RALGPS1: variants seen among roughly 807,000 people sequenced by gnomAD.
RALGPS1 encodes ras-specific guanine nucleotide-releasing factor RalGPS1.
Under a neutral mutation model 78.8 loss-of-function variants are expected in RALGPS1, and 19 were observed. That is an observed-to-expected ratio of 0.24 (90% confidence interval 0.17 to 0.35). The LOEUF (loss-of-function observed/expected upper bound fraction) is 0.35. Ranked by LOEUF, RALGPS1 falls within the 10% of genes least tolerant of loss-of-function variation. The pLI is 1.00. For synonymous variants in RALGPS1, 228 were observed against 256.3 expected, an observed-to-expected ratio of 0.89 and a Z score of 1.06; for missense variants, 454 against 688.3, an observed-to-expected ratio of 0.66 and a Z score of 3.81.
intron 11 of RALGPS1, among the ~76,000 whole-genome samples, chr9:127,191,709 T>TG (rs1295061680): frequency 1.3e-5 from 2 of 148,826 alleles, no homozygotes; most frequent in Admixed American, 6.7e-5. Flanking sequence ...TGTTTTTTTT[T>TG]TTTTTTGAGA....
At position 127,050,037 on chromosome 9, in the gene RALGPS1, C is replaced by T. The variant is rs748310587; in HGVS notation, c.301-6C>T. ...TGTGTGTATGTGTGTGTATTTGACT[C>T]TACAGGTCAGTTTTTGGGTTGTACG... On this transcript the variant is annotated splice_region_variant and splice_polypyrimidine_tract_variant and intron_variant, in intron 5 of 18. Transcript: ENST00000259351. The T allele has an allele frequency of 2.5e-6, 4 of 1,608,330 alleles. No individual in the cohort carries two copies. Among genetic ancestry groups the T allele is most frequent in the Non-Finnish European group, 3.4e-6 (4 of 1,174,742 alleles).
rs1588600624 is a variant in RALGPS1, at chr9:127,212,977, G to A, written c.1480G>A (p.Val494Met). The A allele has an allele frequency of 4.3e-6, 7 of 1,614,048 alleles. No homozygotes were observed. Among genetic ancestry groups the A allele is most frequent in the South Asian group, 1.1e-5 (1 of 91,090 alleles). Residue 494 changes from valine to methionine, a missense_variant, in exon 17 of 19, where the codon GTG (valine) becomes ATG (methionine). Val to Met is a conservative substitution (Grantham distance 21). Coordinates refer to ENST00000259351, the MANE Select transcript of RALGPS1 (RefSeq NM_014636.3). This position sits in a 1 kb window ranked among gnomAD's most constrained non-coding sequence, Gnocchi z 6.0. ...CACACCTGGCAAAAAGGTTTCCATCGTGGGCTGGATGGTGCAGCTGCCCGA... is the reference window on the plus strand; with the variant it reads ...CACACCTGGCAAAAAGGTTTCCATCATGGGCTGGATGGTGCAGCTGCCCGA... ...KSTPGKKVSIVGWMVQLPDDP... is the reference protein window; with the variant it reads ...KSTPGKKVSIMGWMVQLPDDP...
At chr9:126,984,726 G>A (rs930403997) in intron 4 of RALGPS1, among the ~76,000 whole-genome samples, 2 of 152,096 alleles carry the variant, frequency 1.3e-5, no homozygotes, top group African/African-American at 4.8e-5. Flanking sequence ...CTTTTAATGT[G>A]ATCCCACTCA....
Position 127,108,529 on chromosome 9 carries a change from G to T in RALGPS1, c.610+39173G>T, listed in dbSNP as rs371076756. Reference sequence around the variant, plus strand: ...AGGCTCCTTGGAGTTGACGCAGATGGCACCCGTGACCCGCTGCTGGGGCAC... The same window carrying T: ...AGGCTCCTTGGAGTTGACGCAGATGTCACCCGTGACCCGCTGCTGGGGCAC... On this transcript the variant is annotated intron_variant, in intron 8 of 18. Transcript: ENST00000259351. The T allele has an allele frequency of 3.7e-6, 6 of 1,612,916 alleles. No individual in the cohort carries two copies. The highest frequency in any genetic ancestry group is 5.1e-6 in the Non-Finnish European group (6 of 1,179,746).
At chr9:127,171,157 A>T (rs2059547386) in intron 10 of RALGPS1, among the ~76,000 whole-genome samples, 1 of 152,200 alleles carries the variant, frequency 6.6e-6, no homozygotes, top group Non-Finnish European at 1.5e-5. Flanking sequence ...TTTAAGAAAA[A>T]TTACCCAATT....
chr9:127,159,360 A>C (rs929580438), intron 8 of RALGPS1, among the ~76,000 whole-genome samples: 2 of 152,098 alleles, frequency 1.3e-5, no homozygotes, highest in Non-Finnish European at 2.9e-5. Context: ...GCTTCCCTGG[A>C]CTTCAGGATT....
rs2061877737 is a variant in RALGPS1 at position 127,205,381 on chromosome 9, A to G, written c.1247+6315A>G. 6.6e-6 allele frequency among the ~76,000 whole-genome samples: 1 copy of G among 152,066 alleles called. No homozygotes were observed. The highest frequency in any genetic ancestry group is 2.4e-5 in the African/African-American group (1 of 41,384). On this transcript the variant is annotated intron_variant, in intron 14 of 18. Coordinates refer to ENST00000259351, the MANE Select transcript of RALGPS1 (RefSeq NM_014636.3). This position sits in a 1 kb window ranked among gnomAD's most constrained non-coding sequence, Gnocchi z 4.0. ...CCTCCGATATGTGATCTCTTGCCTT[A>G]CTCCCTTAGCTCCAAACACTAAAGT...
At chr9:127,119,177 G>C (rs2055780127) in intron 8 of RALGPS1, among the ~76,000 whole-genome samples, 1 of 152,166 alleles carries the variant, frequency 6.6e-6, no homozygotes, top group South Asian at 2.1e-4. Flanking sequence ...TCTTGTCACT[G>C]ACCATATTAC....
chr9:127,096,822 A>G (rs1360330549), intron 8 of RALGPS1, among the ~76,000 whole-genome samples: 4 of 152,218 alleles, frequency 2.6e-5, no homozygotes, highest in Non-Finnish European at 5.9e-5. Flanking sequence ...TGAAGTAGTA[A>G]TAATAATAGC....
chr9:126,982,122 T>C (rs367640476), intron 4 of RALGPS1, among the ~76,000 whole-genome samples: 1 of 152,200 alleles, frequency 6.6e-6, no homozygotes, highest in Non-Finnish European at 1.5e-5. Flanking sequence ...GCAAGGACTT[T>C]TGTGACCTGG....
intron 4 of RALGPS1, among the ~76,000 whole-genome samples, chr9:127,014,220 C>T (rs2044613261): frequency 6.6e-6 from 1 of 152,230 alleles, no homozygotes; most frequent in African/African-American, 2.4e-5. Context: ...AGGCTAGTGG[C>T]TCAAATGTTC....
chr9:127,169,973 G>A (rs940528626), intron 10 of RALGPS1, among the ~76,000 whole-genome samples: 7 of 152,164 alleles, frequency 4.6e-5, no homozygotes, highest in Admixed American at 3.3e-4. Flanking sequence ...ATGTATCCCC[G>A]TCGTAAGTTG....
At chr9:127,153,622 C>G (rs2058553096) in intron 8 of RALGPS1, among the ~76,000 whole-genome samples, 1 of 152,100 alleles carries the variant, frequency 6.6e-6, no homozygotes, top group Non-Finnish European at 1.5e-5. Context: ...AAGCACATCA[C>G]CCTGTGCCCT....
intron 4 of RALGPS1, among the ~76,000 whole-genome samples, chr9:126,982,743 C>T (rs2041366555): frequency 6.6e-6 from 1 of 151,186 alleles, no homozygotes; most frequent in Admixed American, 6.6e-5. Flanking sequence ...GTTCCCCTTC[C>T]TCTCCTTCTT....
intron 4 of RALGPS1, chr9:126,989,788 A>G (rs768915292): frequency 1.1e-5 from 16 of 1,443,218 alleles, no homozygotes; most frequent in Non-Finnish European, 1.5e-5. Flanking sequence ...CCTGTGGGAC[A>G]CTTACTCTAG....
chr9:127,040,255 G>T lies in RALGPS1; in HGVS notation c.300+5741G>T, dbSNP rs186512088. ...ATCTCTACTAAAAATACAAAAATTA[G>T]CTGGGCATGGTGGTGCACACCTGCA... On this transcript the variant is annotated intron_variant, in intron 5 of 18. Transcript: ENST00000259351. 1.8e-3 allele frequency among the ~76,000 whole-genome samples: 273 copies of T among 152,212 alleles called. 1 individual carries two copies. Among genetic ancestry groups the T allele is most frequent in the African/African-American group, 5.5e-3 (228 of 41,532 alleles).
At chr9:127,134,514 T>C (rs2057259176) in intron 8 of RALGPS1, among the ~76,000 whole-genome samples, 1 of 152,216 alleles carries the variant, frequency 6.6e-6, no homozygotes, top group Admixed American at 6.5e-5. Flanking sequence ...TTGAGTATGA[T>C]GTGAAGCTCT....
chr9:127,061,545 G>A (rs773420129), intron 7 of RALGPS1, among the ~76,000 whole-genome samples: 1 of 152,168 alleles, frequency 6.6e-6, no homozygotes, highest in African/African-American at 2.4e-5. Context: ...CTTACGCAAA[G>A]CAACACTTAC....
In RALGPS1 at chr9:127,094,490, C is replaced by T. The variant is rs549079212; in HGVS notation, c.610+25134C>T. Among the ~76,000 whole-genome samples, 3 of 152,338 alleles carry T rather than the reference C, an allele frequency of 2.0e-5. No individual in the cohort carries two copies. In the East Asian group the frequency reaches 5.8e-4, roughly 29 times the overall value. ...CACGTCTGCCCTTCCAGTGACAGTGCTTCGTGATGACTGCTGCAGCTTTTA... is the reference window on the plus strand; with the variant it reads ...CACGTCTGCCCTTCCAGTGACAGTGTTTCGTGATGACTGCTGCAGCTTTTA... On this transcript the variant is annotated intron_variant, in intron 8 of 18. Transcript: ENST00000259351.
Sources: allele counts gnomAD v4.1 joint callset (sites outside exome capture counted in the v4.1 genomes callset), GRCh38; gene constraint gnomAD v4.1.1; non-coding constraint Gnocchi (gnomAD v3.1); transcripts MANE v1.5; gene names NCBI Gene and HGNC (gene_info 2026-07-23, HGNC 2026-07-21).